Variants in IGSF5 observed in about 807,000 individuals in gnomAD.
IGSF5 encodes immunoglobulin superfamily 5 like.
In IGSF5, 41 loss-of-function variants were observed where a neutral mutation model predicts 39.4. The observed-to-expected ratio is 1.04, with a 90% CI of 0.81 to 1.35. IGSF5 has a LOEUF of 1.35. Ranked by LOEUF, IGSF5 falls within the 40% of genes most tolerant of loss-of-function variation. The pLI is 0.00. For synonymous variants in IGSF5, 183 were observed against 175.3 expected (o/e 1.04, Z -0.34); for missense variants, 487 against 494.6 (o/e 0.98, Z 0.15).
At position 39,768,645 on chromosome 21, in the gene IGSF5, C is replaced by T. The variant is rs79987920; in HGVS notation, c.419-2271C>T. ...TGTTATTAACTGAGACAATATCATTCCTCCCAGTTCTGTCATCTTAAACCG... is the reference window on the plus strand; with the variant it reads ...TGTTATTAACTGAGACAATATCATTTCTCCCAGTTCTGTCATCTTAAACCG... On this transcript the variant is annotated intron_variant, in intron 3 of 8. Coordinates refer to ENST00000380588, the MANE Select transcript of IGSF5 (RefSeq NM_001080444.2). Among the ~76,000 whole-genome samples the T allele has an allele frequency of 4.0e-3, 605 of 152,274 alleles. 3 individuals carry two copies. The highest frequency in any genetic ancestry group is 0.013 in the African/African-American group (551 of 41,554).
the IGSF5 span, among the ~76,000 whole-genome samples, chr21:39,718,336 T>G: frequency 6.6e-6 from 1 of 152,200 alleles, no homozygotes; most frequent in Non-Finnish European, 1.5e-5. Context: ...TGGATACCCT[T>G]TCTTTCTTTC....
At chr21:39,788,047 T>A in intron 5 of IGSF5, 120 bp from the exon 6 acceptor site, 1 of 730,140 alleles carries the variant, frequency 1.4e-6, no homozygotes, top group South Asian at 1.8e-5. Flanking sequence ...ATAATGCTCC[T>A]TGGGTCACAA....
upstream of IGSF5, among the ~76,000 whole-genome samples, chr21:39,744,361 G>A (rs935278293): frequency 6.2e-5 from 9 of 145,352 alleles, no homozygotes; most frequent in East Asian, 1.0e-3. Context: ...AGGGTGTAGC[G>A]AACCTTTTGA....
At chr21:39,766,576 A>G (rs910927198) in intron 3 of IGSF5, among the ~76,000 whole-genome samples, 1 of 152,200 alleles carries the variant, frequency 6.6e-6, no homozygotes, top group African/African-American at 2.4e-5. Context: ...AAATATATCA[A>G]GTCATTGAGA....
At chr21:39,726,183 C>T in the IGSF5 span, 657 of 151,794 alleles carry the variant, frequency 4.3e-3, 3 homozygotes, top group African/African-American at 0.015. Flanking sequence ...TGGCAGAACT[C>T]GCTAGGGTAG....
At chr21:39,795,473 G>T (rs187974982) in intron 8 of IGSF5, among the ~76,000 whole-genome samples, 3 of 151,682 alleles carry the variant, frequency 2.0e-5, no homozygotes, top group Non-Finnish European at 4.4e-5. Context: ...CAGGTCTGGC[G>T]TTGTGGGGAG....
intron 5 of IGSF5, among the ~76,000 whole-genome samples, chr21:39,780,588 G>GA (rs1157940352): frequency 1.3e-5 from 2 of 151,972 alleles, no homozygotes; most frequent in Non-Finnish European, 2.9e-5. Flanking sequence ...GTGGTAGAAA[G>GA]AAAAAATAAG....
At position 39,792,087 on chromosome 21, in the gene IGSF5, CA is replaced by C; in HGVS notation, c.1040del (p.Lys347ArgfsTer60). ...NENSGYNSDE[Q>X]KTTDTASLPP... ...AAACTCCGGCTACAATTCAGATGAA[CA>C]AAAGACCACAGGTGAGTAGACAAGA... On this transcript the variant is annotated frameshift_variant, in exon 7 of 9. Transcript: ENST00000380588. LOFTEE classifies it high-confidence loss of function. 1 of 1,607,272 alleles carries C rather than the reference CA, an allele frequency of 6.2e-7. No individual in the cohort carries two copies.
chr21:39,794,074 A>G (rs2086981173), intron 8 of IGSF5, among the ~76,000 whole-genome samples: 2 of 152,204 alleles, frequency 1.3e-5, no homozygotes. Context: ...GGATCAGGAC[A>G]GAGAAAATGT....
the IGSF5 span, among the ~76,000 whole-genome samples, chr21:39,721,995 T>C: frequency 6.6e-6 from 1 of 152,202 alleles, no homozygotes; most frequent in Non-Finnish European, 1.5e-5. Flanking sequence ...AGTACAGTTG[T>C]TGAGTACAAA....
upstream of IGSF5, among the ~76,000 whole-genome samples, chr21:39,740,352 C>T (rs1014793416): frequency 5.3e-5 from 8 of 152,176 alleles, no homozygotes; most frequent in African/African-American, 1.9e-4. Context: ...TTCTGTACGG[C>T]CAATAATAAT....
Position 39,778,315 on chromosome 21 carries a change from G to A in IGSF5, c.719-775G>A, listed in dbSNP as rs371016052. ...TTTAATTAACTTAAATTTGAATTTG[G>A]ATGATCATGTGAAGCCACAACAGCT... On this transcript the variant is annotated intron_variant, in intron 4 of 8. Coordinates refer to ENST00000380588, the MANE Select transcript of IGSF5 (RefSeq NM_001080444.2). 4.1e-4 allele frequency among the ~76,000 whole-genome samples: 63 copies of A among 152,272 alleles called. No homozygotes were observed. The South Asian group carries it at 0.012, about 30-fold the overall frequency.
At chr21:39,782,353 G>T (rs2080175181) in intron 5 of IGSF5, among the ~76,000 whole-genome samples, 1 of 152,036 alleles carries the variant, frequency 6.6e-6, no homozygotes, top group Admixed American at 6.6e-5. Context: ...AAAAAATTGT[G>T]GCAAAATCTA....
chr21:39,786,240 T>C (rs572201615), intron 5 of IGSF5, among the ~76,000 whole-genome samples: 12 of 151,962 alleles, frequency 7.9e-5, no homozygotes, highest in African/African-American at 2.4e-4. Context: ...GAATCTACAA[T>C]GAACTCAAAC....
At chr21:39,736,696 A>G in the IGSF5 span, among the ~76,000 whole-genome samples, 2 of 152,226 alleles carry the variant, frequency 1.3e-5, no homozygotes, top group Admixed American at 1.3e-4. Context: ...CTTGCTATGG[A>G]ACTTCCGAGA....
chr21:39,736,424 C>G, the IGSF5 span, among the ~76,000 whole-genome samples: 1 of 149,968 alleles, frequency 6.7e-6, no homozygotes, highest in African/African-American at 2.5e-5. Context: ...GCAAATCTCC[C>G]AAATTACCAA....
chr21:39,732,057 C>T, the IGSF5 span, among the ~76,000 whole-genome samples: 1 of 152,042 alleles, frequency 6.6e-6, no homozygotes, highest in African/African-American at 2.4e-5. Context: ...AGAGTAAGAC[C>T]CTCAGCCCAG....
At chr21:39,721,720 TTCCTTCCA>T in the IGSF5 span, among the ~76,000 whole-genome samples, 1 of 124,940 alleles carries the variant, frequency 8.0e-6, no homozygotes, top group Non-Finnish European at 1.7e-5. Context: ...CCTTCCTTCC[TTCCTTCCA>T]CCCACCCATC....
At chr21:39,740,787 A>G (rs1291427417), upstream of IGSF5, among the ~76,000 whole-genome samples, 1 of 152,186 alleles carries the variant, frequency 6.6e-6, no homozygotes, top group Non-Finnish European at 1.5e-5. Context: ...AGAGCTGCAC[A>G]AGTGCACAGT....
Sources: gnomAD v4.1 joint callset for allele counts (sites outside exome capture counted in the v4.1 genomes callset) on GRCh38, gnomAD v4.1.1 for gene constraint, MANE v1.5 for transcripts, NCBI Gene and HGNC (gene_info 2026-07-23, HGNC 2026-07-21) for gene names.